The following NCKAP5 variants were observed in gnomAD, a reference collection of about 807,000 sequenced individuals.
NCKAP5 encodes the protein NCK associated protein 5, also known as nck-associated protein 5.
NCKAP5 carries 92 observed loss-of-function variants against 167.0 expected under a neutral mutation model. The ratio of observed to expected loss-of-function variants is 0.55; its 90% confidence interval spans 0.47 to 0.66. The LOEUF (loss-of-function observed/expected upper bound fraction) is 0.66. NCKAP5 is among the 30% of genes least tolerant of loss of function. NCKAP5 has a pLI of 0.00. For synonymous variants in NCKAP5, 891 were observed against 877.4 expected (o/e 1.02, Z -0.27); for missense variants, 2,378 against 2,315.0 (o/e 1.03, Z -0.56).
At chr2:133,083,356 C>T (rs549204833) in intron 6 of NCKAP5, among the ~76,000 whole-genome samples, 1 of 152,214 alleles carries the variant, frequency 6.6e-6, no homozygotes, top group South Asian at 2.1e-4. Context: ...CAGCAATGGC[C>T]TATCTGGTCT....
intron 3 of NCKAP5, among the ~76,000 whole-genome samples, chr2:133,461,476 T>A (rs1365406085): frequency 6.6e-6 from 1 of 152,174 alleles, no homozygotes; most frequent in Non-Finnish European, 1.5e-5. Flanking sequence ...AAGGTTTATA[T>A]CTCTCTCACC....
intron 5 of NCKAP5, among the ~76,000 whole-genome samples, chr2:133,183,915 T>C (rs1020917735): frequency 6.6e-6 from 1 of 152,194 alleles, no homozygotes. Context: ...TGTATTTCTA[T>C]ATATTATCAG....
At chr2:133,637,915 TATC>T in the NCKAP5 span, among the ~76,000 whole-genome samples, 1 of 152,138 alleles carries the variant, frequency 6.6e-6, no homozygotes, top group Non-Finnish European at 1.5e-5. Flanking sequence ...CACCTAAACA[TATC>T]ATAGCAACAT....
intron 5 of NCKAP5, among the ~76,000 whole-genome samples, chr2:133,156,520 T>C (rs894044958): frequency 3.3e-5 from 5 of 152,188 alleles, no homozygotes; most frequent in Non-Finnish European, 5.9e-5. Context: ...ATGCCTTTCA[T>C]ATACAATGTT....
intron 4 of NCKAP5, among the ~76,000 whole-genome samples, chr2:133,231,624 C>T (rs1163010508): frequency 1.3e-5 from 2 of 152,196 alleles, no homozygotes; most frequent in Middle Eastern, 3.4e-3. Flanking sequence ...TCTGAAACAA[C>T]AATGATTAGA....
chr2:133,042,827 T>C (rs2079259554), intron 6 of NCKAP5, among the ~76,000 whole-genome samples: 1 of 152,232 alleles, frequency 6.6e-6, no homozygotes, highest in Non-Finnish European at 1.5e-5. Context: ...AAAGGTGGTC[T>C]TTTCTCTCTA....
chr2:133,008,854 G>A (rs967567564), intron 6 of NCKAP5, among the ~76,000 whole-genome samples: 1 of 152,144 alleles, frequency 6.6e-6, no homozygotes, highest in Non-Finnish European at 1.5e-5. Flanking sequence ...TCATGAATGT[G>A]GATTTTGCCA....
chr2:132,788,347 A>G (rs1683766362), intron 13 of NCKAP5, among the ~76,000 whole-genome samples: 2 of 152,070 alleles, frequency 1.3e-5, no homozygotes, highest in African/African-American at 4.8e-5. Flanking sequence ...ATATTTTTCT[A>G]AAGGGTCTTA....
intron 5 of NCKAP5, among the ~76,000 whole-genome samples, chr2:133,174,343 A>G (rs1161056194): frequency 6.6e-6 from 1 of 152,156 alleles, no homozygotes; most frequent in Non-Finnish European, 1.5e-5. Flanking sequence ...GTTTATCTTG[A>G]TGGCTTACTT....
intron 3 of NCKAP5, among the ~76,000 whole-genome samples, chr2:133,324,080 T>C (rs761485563): frequency 1.2e-4 from 18 of 152,172 alleles, no homozygotes; most frequent in Non-Finnish European, 2.1e-4. Context: ...GTCCTTTGGC[T>C]CCGGGAGGTT....
At position 132,878,828 on chromosome 2, in the gene NCKAP5, A is replaced by G. The variant is rs757193990; in HGVS notation, c.648+20T>C. 2.9e-5 allele frequency: 46 copies of G among 1,596,016 alleles called. 2 individuals are homozygous for G. In the South Asian group the frequency reaches 5.0e-4, roughly 17 times the overall value. On this transcript the variant is annotated intron_variant, in intron 9 of 19. Transcript: ENST00000409261. ...CCAACTAGTCCAGCCTTGGATCAGG[A>G]GCCTCTCCATCCCCCTTACCTCATC...
chr2:132,954,523 A>G, intron 8 of NCKAP5: 2 of 382,302 alleles, frequency 5.2e-6, no homozygotes, highest in Admixed American at 3.4e-5. Context: ...TAATATTGAA[A>G]TACTGTGAAC....
chr2:132,700,358 G>A (rs762409246), intron 19 of NCKAP5, among the ~76,000 whole-genome samples: 59 of 152,276 alleles, frequency 3.9e-4, no homozygotes, highest in Non-Finnish European at 7.1e-4. Context: ...TTTGGCTTTT[G>A]CTGCTATTGC....
Position 132,785,582 on chromosome 2 carries a change from T to C in NCKAP5, c.1229A>G (p.Lys410Arg), listed in dbSNP as rs1455013299. The stretch of plus-strand genomic sequence containing the variant: ...TGGGGGTTCAAGTAACACTTTTCGC[T>C]TCTGTAGCTTTCTTAGCCCTTCCAA... Reference protein sequence around the residue: ...HILEGLRKLQKRKVLLEPPSV... With the variant: ...HILEGLRKLQRRKVLLEPPSV... Residue 410 changes from lysine to arginine, a missense_variant, in exon 14 of 20, where the codon AAG (lysine) becomes AGG (arginine). By Grantham distance (26) the Lys-to-Arg change is conservative (BLOSUM62 2). Around this residue, in one of 3 missense-constraint regions of NCKAP5, gnomAD observed 1,049 missense variants for 1,023.4 expected, o/e 1.02. Transcript: ENST00000409261. The C allele has an allele frequency of 2.5e-6, 4 of 1,592,850 alleles. No homozygotes were observed. The highest frequency in any genetic ancestry group is 3.4e-6 in the Non-Finnish European group (4 of 1,170,324).
At chr2:133,595,397 C>T in the NCKAP5 span, among the ~76,000 whole-genome samples, 1 of 151,544 alleles carries the variant, frequency 6.6e-6, no homozygotes, top group Non-Finnish European at 1.5e-5. Flanking sequence ...TCCTCCTCTT[C>T]TTCTTTTTGT....
chr2:132,874,622 G>A (rs148507377), intron 9 of NCKAP5, among the ~76,000 whole-genome samples: 18 of 152,168 alleles, frequency 1.2e-4, no homozygotes, highest in Middle Eastern at 3.4e-3. Flanking sequence ...ATGTCCTTGC[G>A]CTCTGAAGTG....
At position 133,132,966 on chromosome 2, in the gene NCKAP5, A is replaced by G. The variant is rs182839064; in HGVS notation, c.208-2855T>C. Among the ~76,000 whole-genome samples, 16 of 152,204 alleles carry G rather than the reference A, an allele frequency of 1.1e-4. No individual in the cohort carries two copies. The East Asian group carries it at 2.1e-3, about 20-fold the overall frequency. The stretch of plus-strand genomic sequence containing the variant: ...GCTGGGATTATAGGCGTTAGCCACC[A>G]CGCCCAGCCTGTACCCAAATTTAAA... On this transcript the variant is annotated intron_variant, in intron 5 of 19. Transcript: ENST00000409261.
At chr2:133,646,462 C>T in the NCKAP5 span, among the ~76,000 whole-genome samples, 1 of 151,888 alleles carries the variant, frequency 6.6e-6, no homozygotes, top group Admixed American at 6.6e-5. Flanking sequence ...AGAAAAAAAA[C>T]ACCAGCCAAC....
At chr2:133,588,701 G>T in the NCKAP5 span, among the ~76,000 whole-genome samples, 7 of 152,202 alleles carry the variant, frequency 4.6e-5, no homozygotes, top group African/African-American at 1.7e-4. Context: ...AACATGCAAA[G>T]TAGTGGTAAG....
Sources: gnomAD v4.1 joint callset for allele counts (sites outside exome capture counted in the v4.1 genomes callset) on GRCh38, gnomAD v4.1.1 for gene constraint, gnomAD v4.1.1 regional missense constraint, MANE v1.5 for transcripts, NCBI Gene and HGNC (gene_info 2026-07-23, HGNC 2026-07-21) for gene names.